Variants in TMEM223 observed in about 807,000 individuals in gnomAD.
TMEM223 encodes transmembrane protein 223.
Under a neutral mutation model 14.1 loss-of-function variants are expected in TMEM223, and 14 were observed. That is an observed-to-expected ratio of 0.99 (90% confidence interval 0.66 to 1.55). The LOEUF (loss-of-function observed/expected upper bound fraction) is 1.55, where lower values mean the gene tolerates loss of function less well. Ranked by LOEUF, TMEM223 falls within the 40% of genes most tolerant of loss-of-function variation. TMEM223 has a pLI of 0.00. For synonymous variants in TMEM223, 145 were observed against 120.5 expected (o/e 1.20, Z -1.33); for missense variants, 346 against 269.9 (o/e 1.28, Z -1.97).
At chr11:62,778,143 C>A in intron 1 of TMEM223, 1 of 1,614,048 alleles carries the variant, frequency 6.2e-7, no homozygotes. Flanking sequence ...CTGCCGGGGT[C>A]CTGCATGGGT....
intron 1 of TMEM223, chr11:62,775,935 A>G (rs759291836): frequency 1.9e-6 from 3 of 1,600,282 alleles, no homozygotes; most frequent in South Asian, 2.2e-5. Context: ...ACGCAGGTAC[A>G]CTCCCCTCAC....
downstream of TMEM223, chr11:62,787,043 C>T (rs1419105460): frequency 6.6e-7 from 1 of 1,518,708 alleles, no homozygotes; most frequent in African/African-American, 1.4e-5. Context: ...CAGCAGGGCC[C>T]CGGGACCGGC....
At chr11:62,780,027 T>G (rs2084217071) in intron 1 of TMEM223, among the ~76,000 whole-genome samples, 2 of 141,614 alleles carry the variant, frequency 1.4e-5, no homozygotes, top group Admixed American at 1.5e-4. Context: ...TTGCCCAGGC[T>G]GGTGAAACTC....
At chr11:62,787,709 GC>G, downstream of TMEM223, 1 of 788,526 alleles carries the variant, frequency 1.3e-6, no homozygotes, top group Non-Finnish European at 2.0e-6. Context: ...GCTCCTCCTG[GC>G]CAGGTCATAC....
chr11:62,779,130 C>T (rs996227127), intron 1 of TMEM223, among the ~76,000 whole-genome samples: 3 of 151,588 alleles, frequency 2.0e-5, no homozygotes, highest in African/African-American at 7.3e-5. Flanking sequence ...AAGTGATTCT[C>T]CTGCCTCAGC....
At chr11:62,782,953 G>A (rs1565189425), downstream of TMEM223, 3 of 1,384,588 alleles carry the variant, frequency 2.2e-6, no homozygotes, top group Non-Finnish European at 2.9e-6. Context: ...TCTGGCCTTA[G>A]GCCAGGCTCA....
chr11:62,787,185 C>T (rs774365452), downstream of TMEM223: 55 of 1,585,132 alleles, frequency 3.5e-5, no homozygotes, highest in Non-Finnish European at 4.3e-5. Flanking sequence ...CCGCGCCGTA[C>T]GGGCCTAGCC....
intron 1 of TMEM223, among the ~76,000 whole-genome samples, chr11:62,777,588 G>A (rs1332770113): frequency 1.3e-5 from 2 of 152,204 alleles, no homozygotes; most frequent in Admixed American, 1.3e-4. Context: ...TAAGGGAGGA[G>A]CCTGAGCAAC....
At position 62,790,111 on chromosome 11, in the gene TMEM223, T is replaced by C. The variant is rs1290621048; in HGVS notation, c.*512A>G. ...GCCCAAGTGCCTGTAATCCCCCCCC[T>C]CAAGGCCCTGTTTATGTTGGGAGTC... is the stretch of plus-strand genomic sequence containing the variant. On this transcript the variant is annotated 3_prime_UTR_variant, in exon 2 of 2. Transcript: ENST00000307366. 2.0e-5 allele frequency: 29 copies of C among 1,459,326 alleles called. No homozygotes were observed. Among genetic ancestry groups the C allele is most frequent in the African/African-American group, 2.9e-5 (2 of 69,878 alleles). The allele number at this position is 1,459,326 out of a possible 1,614,324, so 90.4% of individuals were successfully genotyped here.
In TMEM223 at chr11:62,781,900, C is replaced by T. The variant is rs555697514; in HGVS notation, c.315-7235G>A. On this transcript the variant is annotated intron_variant, in intron 1 of 2. Transcript: ENST00000528367. ...TCTGGGCCCTTCCTTTTAGGTTGCA[C>T]TCCAGGACTTGCAGACGAACTCCAA... 231 of 1,614,144 alleles carry T rather than the reference C, an allele frequency of 1.4e-4. 1 individual carries two copies. In the South Asian group the frequency reaches 2.4e-3, roughly 17 times the overall value.
chr11:62,780,727 C>G (rs1295533533), intron 1 of TMEM223, among the ~76,000 whole-genome samples: 1 of 150,970 alleles, frequency 6.6e-6, no homozygotes, highest in Non-Finnish European at 1.5e-5. Context: ...GCCGGGAGTT[C>G]GAGACCAGCC....
rs560437466 is a variant in TMEM223, at chr11:62,790,015, G to T, written c.*608C>A. 5 of 1,613,818 alleles carry T rather than the reference G, an allele frequency of 3.1e-6. No homozygotes were observed. The African/African-American group carries it at 4.0e-5, about 13-fold the overall frequency. Reference sequence around the variant, plus strand: ...CCCTGAGTGGAGCTCTGAGACAGATGCTCTCGTTGGGTCACGCCTTTCCCA... The same window carrying T: ...CCCTGAGTGGAGCTCTGAGACAGATTCTCTCGTTGGGTCACGCCTTTCCCA... On this transcript the variant is annotated 3_prime_UTR_variant, in exon 2 of 2. Coordinates refer to ENST00000307366, the MANE Select transcript of TMEM223 (RefSeq NM_001080501.3).
intron 1 of TMEM223, chr11:62,782,202 GC>G: frequency 6.2e-7 from 1 of 1,614,178 alleles, no homozygotes. Context: ...TGTGCTTGGG[GC>G]CCTATGTCCG....
chr11:62,790,901 C>G lies in TMEM223; in HGVS notation c.331G>C (p.Gly111Arg). The change falls in exon 2 of 2, where the codon GGT becomes CGT. Residue 111 changes from glycine to arginine, a missense_variant. Coordinates refer to ENST00000307366, the MANE Select transcript of TMEM223 (RefSeq NM_001080501.3). Reference sequence around the variant, plus strand: ...CGGAGAGAGAAGAGAAGACCAGCACCGAGTACGAGGGCTCCTGCAGGCAGG... The same window carrying G: ...CGGAGAGAGAAGAGAAGACCAGCACGGAGTACGAGGGCTCCTGCAGGCAGG... ...GCGAIGALVL[G>R]AGLLFSLRSV... The G allele has an allele frequency of 1.3e-6, 2 of 1,582,664 alleles. No homozygotes were observed. Among genetic ancestry groups the G allele is most frequent in the Non-Finnish European group, 1.7e-6 (2 of 1,160,270 alleles).
At chr11:62,782,613 T>C, downstream of TMEM223, 1 of 1,570,458 alleles carries the variant, frequency 6.4e-7, no homozygotes, top group Non-Finnish European at 8.7e-7. Context: ...GTACAGATGC[T>C]ATTCTCTTTG....
intron 1 of TMEM223, among the ~76,000 whole-genome samples, chr11:62,779,968 A>ATTTT (rs1341684851): frequency 1.1e-4 from 7 of 66,632 alleles, no homozygotes; most frequent in Non-Finnish European, 2.5e-4. Context: ...ATATATATAT[A>ATTTT]TATATATATT....
At chr11:62,782,695 C>T (rs2084239313), downstream of TMEM223, 2 of 1,611,892 alleles carry the variant, frequency 1.2e-6, no homozygotes, top group Admixed American at 1.7e-5. Context: ...TCCCACAGGA[C>T]TCATGGGGAC....
Position 62,790,153 on chromosome 11 carries a change from TG to T in TMEM223, c.*469del. ...TTGGGAGTCTTAGTTTTCCTTTCGTTGGGGGGTGGGGGGGAAACATAATGAC... is the reference window on the plus strand; with the variant it reads ...TTGGGAGTCTTAGTTTTCCTTTCGTTGGGGGTGGGGGGGAAACATAATGAC... On this transcript the variant is annotated 3_prime_UTR_variant, in exon 2 of 2. Coordinates refer to ENST00000307366, the MANE Select transcript of TMEM223 (RefSeq NM_001080501.3). The T allele has an allele frequency of 7.0e-5, 34 of 482,316 alleles. No homozygotes were observed. Among genetic ancestry groups the T allele is most frequent in the East Asian group, 1.8e-4 (3 of 16,840 alleles). 29.9% of individuals were successfully genotyped at this position (482,316 alleles called of 1,614,324 possible).
chr11:62,780,357 A>G (rs537924263), intron 1 of TMEM223, among the ~76,000 whole-genome samples: 1 of 149,630 alleles, frequency 6.7e-6, no homozygotes, highest in African/African-American at 2.5e-5. Flanking sequence ...CTAAAAATAC[A>G]AAAATTAGTC....
Sources: allele counts gnomAD v4.1 joint callset (sites outside exome capture counted in the v4.1 genomes callset), GRCh38; gene constraint gnomAD v4.1.1; transcripts MANE v1.5; gene names NCBI Gene and HGNC (gene_info 2026-07-23, HGNC 2026-07-21).